PAPPA: variants seen among roughly 807,000 people sequenced by gnomAD.
PAPPA encodes pappalysin-1.
A neutral mutation model predicts 164.0 loss-of-function variants in PAPPA; 60 were observed. That is an observed-to-expected ratio of 0.37 (90% CI 0.30 to 0.45). The LOEUF is 0.45. Ranked by LOEUF, PAPPA falls within the 20% of genes least tolerant of loss-of-function variation. The probability of loss-of-function intolerance (pLI) is 1.00; values close to 1 mark genes in which losing one functional copy is unlikely to be tolerated. For missense variants in PAPPA, 1,782 were observed against 2,087.3 expected, an observed-to-expected ratio of 0.85 and a Z score of 2.85; for synonymous variants, 875 against 814.1, an observed-to-expected ratio of 1.07 and a Z score of -1.27.
chr9:116,231,677 GGATGGATGGATGGA>G (rs1844595050), intron 6 of PAPPA, among the ~76,000 whole-genome samples: 1 of 50,798 alleles, frequency 2.0e-5, no homozygotes, highest in African/African-American at 8.5e-5. Flanking sequence ...ATGGATGGAT[GGATGGATGGATGGA>G]TGGATGGATG....
intron 9 of PAPPA, among the ~76,000 whole-genome samples, chr9:116,294,203 C>G (rs946205097): frequency 2.0e-5 from 3 of 152,094 alleles, no homozygotes; most frequent in African/African-American, 7.2e-5. Flanking sequence ...TTTCCAGTGC[C>G]TTCAGTTTGT....
intron 14 of PAPPA, among the ~76,000 whole-genome samples, chr9:116,346,156 G>C (rs1195274341): frequency 6.6e-6 from 1 of 152,096 alleles, no homozygotes; most frequent in Non-Finnish European, 1.5e-5. Context: ...TAAAATCCCA[G>C]ATCAACGTTT....
At position 116,321,096 on chromosome 9, in the gene PAPPA, C is replaced by T. The variant is rs756908783; in HGVS notation, c.3148-10148C>T. Among the ~76,000 whole-genome samples, 6 of 151,482 alleles carry T rather than the reference C, an allele frequency of 4.0e-5. No individual in the cohort carries two copies. The South Asian group carries it at 6.2e-4, about 16-fold the overall frequency. ...AGGCCGGACTGCAGTAGTGCTATCTCGGCTCACTGCAGGCTCCACCTCCTG... is the reference window on the plus strand; with the variant it reads ...AGGCCGGACTGCAGTAGTGCTATCTTGGCTCACTGCAGGCTCCACCTCCTG... On this transcript the variant is annotated intron_variant, in intron 10 of 21. Coordinates refer to ENST00000328252, the MANE Select transcript of PAPPA (RefSeq NM_002581.5).
chr9:116,170,074 G>A (rs900825511), intron 1 of PAPPA, among the ~76,000 whole-genome samples: 1 of 152,086 alleles, frequency 6.6e-6, no homozygotes, highest in African/African-American at 2.4e-5. Flanking sequence ...GACATTTTCT[G>A]TAAAAATTTG....
chr9:116,324,205 G>A (rs186543207), intron 10 of PAPPA, among the ~76,000 whole-genome samples: 6 of 152,310 alleles, frequency 3.9e-5, no homozygotes, highest in Admixed American at 3.9e-4. Context: ...GGTTAAGAAT[G>A]TGGGCTAAAC....
chr9:116,186,981 T>G (rs538146239), intron 1 of PAPPA, among the ~76,000 whole-genome samples, 173 bp from the exon 2 acceptor site: 7 of 152,256 alleles, frequency 4.6e-5, no homozygotes, highest in African/African-American at 1.4e-4. Flanking sequence ...GCCCTTGCCT[T>G]GCCCTCGAGG....
At position 116,187,902 on chromosome 9, in the gene PAPPA, A is replaced by G. The variant is rs777488725; in HGVS notation, c.1164A>G (p.Gln388=). ...ATCAGCTGGCTGAGGCCTTCAAGCAATACAACATCTCCTGGGAGCTGGACG... is the reference window on the plus strand; with the variant it reads ...ATCAGCTGGCTGAGGCCTTCAAGCAGTACAACATCTCCTGGGAGCTGGACG... ...QHHQLAEAFK[Q]YNISWELDVL... Residue 388 remains glutamine, a synonymous_variant, in exon 2 of 22, where the codon CAA becomes CAG. Transcript: ENST00000328252. The surrounding 1 kb of genome is among the most constrained non-coding windows in gnomAD (Gnocchi z 4.2). The G allele has an allele frequency of 1.9e-6, 3 of 1,614,196 alleles. No individual in the cohort carries two copies. Among genetic ancestry groups the G allele is most frequent in the South Asian group, 1.1e-5 (1 of 91,082 alleles).
chr9:116,269,610 G>T (rs561743161), intron 8 of PAPPA, among the ~76,000 whole-genome samples: 1 of 152,142 alleles, frequency 6.6e-6, no homozygotes, highest in Non-Finnish European at 1.5e-5. Context: ...ATAAGGTTTC[G>T]CAGAACTTCT....
At chr9:116,261,122 G>A (rs144464633) in intron 7 of PAPPA, among the ~76,000 whole-genome samples, 2 of 152,236 alleles carry the variant, frequency 1.3e-5, no homozygotes, top group East Asian at 3.9e-4. Context: ...AATTATTCGA[G>A]GGATTGTTCT....
At chr9:116,383,314 T>G (rs1846757769) in intron 21 of PAPPA, among the ~76,000 whole-genome samples, 1 of 152,218 alleles carries the variant, frequency 6.6e-6, no homozygotes, top group African/African-American at 2.4e-5. Flanking sequence ...ACTATTTCTA[T>G]TTTTATATTC....
At chr9:116,269,823 A>G (rs1228609454) in intron 8 of PAPPA, among the ~76,000 whole-genome samples, 2 of 152,218 alleles carry the variant, frequency 1.3e-5, no homozygotes, top group African/African-American at 4.8e-5. Context: ...GCACAAGGTC[A>G]TCGGCAATTT....
chr9:116,381,034 G>A (rs956164596), intron 20 of PAPPA, among the ~76,000 whole-genome samples: 1 of 152,170 alleles, frequency 6.6e-6, no homozygotes, highest in Non-Finnish European at 1.5e-5. Flanking sequence ...TTTAATCAGA[G>A]TGGTTTCACT....
At chr9:116,375,448 C>G (rs1304993411) in intron 19 of PAPPA, among the ~76,000 whole-genome samples, 3 of 152,196 alleles carry the variant, frequency 2.0e-5, no homozygotes, top group Non-Finnish European at 2.9e-5. Flanking sequence ...GAGGACAAGT[C>G]TAGTGCTTGA....
At chr9:116,286,717 C>A (rs1845343853) in intron 9 of PAPPA, 1 of 152,152 alleles carries the variant, frequency 6.6e-6, no homozygotes, top group Admixed American at 6.5e-5. Flanking sequence ...AACTGTGGCA[C>A]AAGGTAGCAG....
chr9:116,255,945 G>C (rs1844922136), intron 7 of PAPPA, among the ~76,000 whole-genome samples: 1 of 151,190 alleles, frequency 6.6e-6, no homozygotes, highest in Non-Finnish European at 1.5e-5. Context: ...TACCTCAAAA[G>C]ACTTGATGTT....
At chr9:116,241,644 T>C (rs1844737045) in intron 7 of PAPPA, among the ~76,000 whole-genome samples, 1 of 152,220 alleles carries the variant, frequency 6.6e-6, no homozygotes, top group African/African-American at 2.4e-5. Flanking sequence ...AGGGGCTCCA[T>C]GGATACTTGT....
chr9:116,192,777 G>C (rs60148314), intron 2 of PAPPA, among the ~76,000 whole-genome samples: 2 of 152,174 alleles, frequency 1.3e-5, no homozygotes, highest in South Asian at 2.1e-4. Context: ...GCAGCCATTA[G>C]AGATGTCTCC....
At chr9:116,354,378 A>C (rs1252231146) in intron 17 of PAPPA, among the ~76,000 whole-genome samples, 4 of 152,202 alleles carry the variant, frequency 2.6e-5, no homozygotes, top group Non-Finnish European at 5.9e-5. Context: ...AATAGGAAAA[A>C]GGAACAAAAG....
intron 6 of PAPPA, among the ~76,000 whole-genome samples, chr9:116,234,141 C>G (rs1844631587): frequency 6.6e-6 from 1 of 152,156 alleles, no homozygotes; most frequent in Non-Finnish European, 1.5e-5. Context: ...GAGCCAATCA[C>G]TACATTGAGT....
Sources: gnomAD v4.1 joint callset for allele counts (sites outside exome capture counted in the v4.1 genomes callset) on GRCh38, gnomAD v4.1.1 for gene constraint, Gnocchi (gnomAD v3.1) non-coding constraint, MANE v1.5 for transcripts, NCBI Gene and HGNC (gene_info 2026-07-23, HGNC 2026-07-21) for gene names.